USP49: variants seen among roughly 807,000 people sequenced by gnomAD.
The protein encoded by USP49 is ubiquitin specific peptidase 49.
In USP49, 24 loss-of-function variants were observed where a neutral mutation model predicts 58.6. That is an observed-to-expected ratio of 0.41 (90% CI 0.30 to 0.58). The LOEUF (loss-of-function observed/expected upper bound fraction) is 0.58, where lower values mean the gene tolerates loss of function less well. Ranked by LOEUF, USP49 falls within the 20% of genes least tolerant of loss-of-function variation. USP49 has a pLI of 0.30. For missense variants in USP49, 703 were observed against 866.1 expected, an observed-to-expected ratio of 0.81 and a Z score of 2.36; for synonymous variants, 408 against 365.1, an observed-to-expected ratio of 1.12 and a Z score of -1.34.
intron 3 of USP49, among the ~76,000 whole-genome samples, chr6:41,858,177 C>T (rs1774162969): frequency 6.6e-6 from 1 of 152,082 alleles, no homozygotes; most frequent in Admixed American, 6.6e-5. Context: ...AGAGACCTAC[C>T]AAAACCAAAG....
intron 2 of USP49, among the ~76,000 whole-genome samples, chr6:41,880,873 G>C (rs1266787404): frequency 6.6e-6 from 1 of 152,020 alleles, no homozygotes; most frequent in Non-Finnish European, 1.5e-5. Flanking sequence ...GTAGATCCCA[G>C]GATAAAAGCT....
At chr6:41,889,216 A>G (rs774629547) in intron 2 of USP49, among the ~76,000 whole-genome samples, 9 of 152,026 alleles carry the variant, frequency 5.9e-5, no homozygotes, top group Non-Finnish European at 8.8e-5. Flanking sequence ...TATTTTTAGT[A>G]GAGGTGGGGT....
chr6:41,853,058 C>T lies in USP49; in HGVS notation c.-29+18506G>A, dbSNP rs140852043. 5.7e-3 allele frequency among the ~76,000 whole-genome samples: 867 copies of T among 152,200 alleles called. 4 individuals are homozygous for T. Among genetic ancestry groups the T allele is most frequent in the African/African-American group, 0.02 (811 of 41,540 alleles). ...AAAATTAGCTGGGCATGGTGGCCTG[C>T]GCCTGTAATCCCTGTTACTCAGGAG... On this transcript the variant is annotated intron_variant, in intron 3 of 7. Coordinates refer to ENST00000682992, the MANE Select transcript of USP49 (RefSeq NM_001286554.2).
chr6:41,824,625 G>C (rs924059277), intron 3 of USP49, among the ~76,000 whole-genome samples: 2 of 152,150 alleles, frequency 1.3e-5, no homozygotes, highest in Non-Finnish European at 2.9e-5. Context: ...AGAATCGCTT[G>C]AACCTGGGAA....
At chr6:41,845,870 T>TGA (rs1164703464) in intron 3 of USP49, among the ~76,000 whole-genome samples, 9 of 152,216 alleles carry the variant, frequency 5.9e-5, no homozygotes, top group Non-Finnish European at 5.9e-5. Context: ...GATTGTTTCT[T>TGA]TGGGGATTAT....
chr6:41,889,072 G>C (rs555901387), intron 2 of USP49, among the ~76,000 whole-genome samples: 46 of 150,374 alleles, frequency 3.1e-4, no homozygotes, highest in African/African-American at 1.1e-3. Flanking sequence ...TCGCTCTGTT[G>C]ACGAGGCTGG....
intron 2 of USP49, among the ~76,000 whole-genome samples, chr6:41,878,488 T>C (rs922233929): frequency 1.3e-5 from 2 of 152,122 alleles, no homozygotes; most frequent in Admixed American, 1.3e-4. Flanking sequence ...CCAAATCCCA[T>C]TTAGTTTGTA....
chr6:41,813,147 AG>A (rs1773288433), intron 3 of USP49, among the ~76,000 whole-genome samples: 1 of 152,162 alleles, frequency 6.6e-6, no homozygotes, highest in African/African-American at 2.4e-5. Flanking sequence ...ATATTAAGAC[AG>A]CATAGACTTA....
chr6:41,844,918 T>A (rs1773895284), intron 3 of USP49, among the ~76,000 whole-genome samples: 1 of 152,126 alleles, frequency 6.6e-6, no homozygotes, highest in Non-Finnish European at 1.5e-5. Flanking sequence ...TTTTGTGTTT[T>A]GAGATGGAGT....
chr6:41,851,409 G>T (rs552004534), intron 3 of USP49, among the ~76,000 whole-genome samples: 18 of 152,162 alleles, frequency 1.2e-4, no homozygotes, highest in Non-Finnish European at 2.4e-4. Context: ...ATGCAAAAAA[G>T]GCACTGGACA....
intron 3 of USP49, among the ~76,000 whole-genome samples, chr6:41,837,164 C>T (rs1773742760): frequency 2.0e-5 from 3 of 151,974 alleles, no homozygotes. Flanking sequence ...CAATCATAAG[C>T]AAAAGAACAA....
At chr6:41,811,495 A>G (rs1023769450) in intron 3 of USP49, among the ~76,000 whole-genome samples, 2 of 152,186 alleles carry the variant, frequency 1.3e-5, no homozygotes, top group African/African-American at 4.8e-5. Context: ...GTTCGATACT[A>G]TCTGTGGTTT....
chr6:41,796,852 G>C (rs1772894701), intron 7 of USP49, 129 bp from the exon 8 acceptor site: 2 of 613,442 alleles, frequency 3.3e-6, no homozygotes, highest in African/African-American at 3.7e-5. Flanking sequence ...TTATTGGTGG[G>C]GAAGGGACAG....
chr6:41,800,112 G>A (rs571991103), intron 5 of USP49, among the ~76,000 whole-genome samples, 174 bp from the exon 6 acceptor site: 6 of 152,062 alleles, frequency 3.9e-5, no homozygotes, highest in South Asian at 2.1e-4. Context: ...AGCTTCACAC[G>A]CCTGCATGGT....
rs1278295421 is a variant in USP49, at chr6:41,795,909, T to G, written c.*624A>C. On this transcript the variant is annotated 3_prime_UTR_variant, in exon 8 of 8. Coordinates refer to ENST00000682992, the MANE Select transcript of USP49 (RefSeq NM_001286554.2). ...ATGACAGCAGCAAGTAGGGAGGGTATGACATATGAAAACCATCCCACTTTG... is the reference window on the plus strand; with the variant it reads ...ATGACAGCAGCAAGTAGGGAGGGTAGGACATATGAAAACCATCCCACTTTG... 3 of 152,220 alleles carry G rather than the reference T, an allele frequency of 2.0e-5. No homozygotes were observed. Among genetic ancestry groups the G allele is most frequent in the Non-Finnish European group, 4.4e-5 (3 of 68,054 alleles). 9.4% of individuals were successfully genotyped at this position (152,220 alleles called of 1,614,324 possible). A position where few individuals can be genotyped will look rare whatever the true frequency, so the allele number is the denominator to read the frequency against.
At chr6:41,882,643 G>A (rs879392650) in intron 2 of USP49, among the ~76,000 whole-genome samples, 11 of 152,078 alleles carry the variant, frequency 7.2e-5, no homozygotes, top group Non-Finnish European at 1.2e-4. Flanking sequence ...GCAGCCACGC[G>A]CAGTGGCTCA....
chr6:41,824,278 TA>T (rs1773500109), intron 3 of USP49, among the ~76,000 whole-genome samples: 1 of 152,108 alleles, frequency 6.6e-6, no homozygotes, highest in Non-Finnish European at 1.5e-5. Flanking sequence ...ACTTTTATAT[TA>T]AAAACAAGAA....
At position 41,885,565 on chromosome 6, in the gene USP49, C is replaced by T. The variant is rs116699803; in HGVS notation, c.-103+6229G>A. On this transcript the variant is annotated intron_variant, in intron 2 of 7. Transcript: ENST00000682992. ...AACTCCTGGGCTCAAGCAATCCTCCCGCTCAAGTGGATCACTTGAGGTCAG... is the reference window on the plus strand; with the variant it reads ...AACTCCTGGGCTCAAGCAATCCTCCTGCTCAAGTGGATCACTTGAGGTCAG... Among the ~76,000 whole-genome samples, 1,153 of 152,062 alleles carry T rather than the reference C, an allele frequency of 7.6e-3. 18 individuals carry two copies. The highest frequency in any genetic ancestry group is 0.025 in the African/African-American group (1,030 of 41,462).
intron 3 of USP49, among the ~76,000 whole-genome samples, chr6:41,844,202 C>A (rs976311082): frequency 2.0e-5 from 3 of 151,950 alleles, no homozygotes; most frequent in African/African-American, 7.3e-5. Flanking sequence ...GCCTGGGCAA[C>A]AGAGCGAGAC....
Sources: allele counts gnomAD v4.1 joint callset (sites outside exome capture counted in the v4.1 genomes callset), GRCh38; gene constraint gnomAD v4.1.1; transcripts MANE v1.5; gene names NCBI Gene and HGNC (gene_info 2026-07-23, HGNC 2026-07-21).